Variants in SLC1A1 observed in about 807,000 individuals in gnomAD.
SLC1A1 encodes the protein excitatory amino acid transporter 3.
SLC1A1 carries 43 observed loss-of-function variants against 53.3 expected under a neutral mutation model. That is an observed-to-expected ratio of 0.81 (90% CI 0.63 to 1.04). The LOEUF (loss-of-function observed/expected upper bound fraction) is 1.04, where lower values mean the gene tolerates loss of function less well. Among genes scored for constraint, SLC1A1 ranks in the 50% least tolerant of loss-of-function variants. SLC1A1 has a pLI of 0.00. For synonymous variants in SLC1A1, 307 were observed against 243.2 expected (o/e 1.26, Z -2.44); for missense variants, 748 against 664.9 (o/e 1.12, Z -1.37).
intron 1 of SLC1A1, among the ~76,000 whole-genome samples, chr9:4,524,801 T>C (rs1196451337): frequency 6.6e-6 from 1 of 151,892 alleles, no homozygotes; most frequent in East Asian, 1.9e-4. Flanking sequence ...ACCCGAGGGG[T>C]ATCCTGGCTT....
rs3038189 is a variant in SLC1A1 at position 4,505,045 on chromosome 9, C to CTTTT, written c.91+14291_91+14294dup. ...TGGGGGTGTATGTGTACATATATTT[C>CTTTT]TTTTTTTTTTTTTTTTTTTGAGATA... On this transcript the variant is annotated intron_variant, in intron 1 of 11. Coordinates refer to ENST00000262352, the MANE Select transcript of SLC1A1 (RefSeq NM_004170.6). Among the ~76,000 whole-genome samples the CTTTT allele has an allele frequency of 7.6e-3, 879 of 114,968 alleles. 30 individuals carry two copies. Among genetic ancestry groups the CTTTT allele is most frequent in the Middle Eastern group, 0.011 (2 of 184 alleles). The allele number at this position is 114,968 out of a possible 152,430, so 75.4% of individuals were successfully genotyped here.
chr9:4,539,845 C>T (rs1302595683), intron 1 of SLC1A1, among the ~76,000 whole-genome samples: 1 of 152,154 alleles, frequency 6.6e-6, no homozygotes, highest in East Asian at 1.9e-4. Flanking sequence ...GCTGGGATTA[C>T]AGCCATGAGC....
intron 1 of SLC1A1, among the ~76,000 whole-genome samples, chr9:4,493,710 C>G (rs542195817): frequency 4.6e-5 from 7 of 152,146 alleles, no homozygotes; most frequent in Non-Finnish European, 8.8e-5. Context: ...TGAGACCAGC[C>G]TGATCTCATC....
intron 1 of SLC1A1, among the ~76,000 whole-genome samples, chr9:4,505,523 G>T (rs528820720): frequency 6.6e-6 from 1 of 152,178 alleles, no homozygotes; most frequent in East Asian, 1.9e-4. Flanking sequence ...ATAATCTGAG[G>T]ATGTTTCTCA....
intron 1 of SLC1A1, among the ~76,000 whole-genome samples, chr9:4,510,434 A>G (rs1304600909): frequency 8.5e-5 from 13 of 152,218 alleles, no homozygotes; most frequent in Admixed American, 8.5e-4. Context: ...CAGAAAATCC[A>G]GTTCAAACAG....
In SLC1A1 at chr9:4,576,759, A is replaced by C. The variant is rs749608311; in HGVS notation, c.1189A>C (p.Ile397Leu). 5.6e-6 allele frequency: 9 copies of C among 1,613,476 alleles called. No homozygotes were observed. The highest frequency in any genetic ancestry group is 1.7e-4 in the Middle Eastern group (1 of 5,898). The change falls in exon 10 of 12, where the codon ATC becomes CTC. Residue 397 changes from isoleucine to leucine, a missense_variant. Ile to Leu is a conservative substitution (Grantham distance 5). Coordinates refer to ENST00000262352, the MANE Select transcript of SLC1A1 (RefSeq NM_004170.6). ...LDLGIGQIIT[I>L]SITATSASIG... ...CTTGGGCATTGGGCAGATCATCACC[A>C]TCAGGTGGGGCATGGTGTCACATTC...
chr9:4,561,621 G>A (rs745878041), intron 3 of SLC1A1, 80 bp downstream of exon 3: 1 of 890,342 alleles, frequency 1.1e-6, no homozygotes, highest in Non-Finnish European at 1.9e-6. Context: ...GCCAGATGCG[G>A]TGGCTCAGGC....
At chr9:4,538,896 C>T (rs1248864424) in intron 1 of SLC1A1, among the ~76,000 whole-genome samples, 1 of 152,192 alleles carries the variant, frequency 6.6e-6, no homozygotes, top group Admixed American at 6.5e-5. Flanking sequence ...TTCTTCTAAA[C>T]TTATTTACTC....
intron 1 of SLC1A1, among the ~76,000 whole-genome samples, chr9:4,514,111 T>C (rs1489582194): frequency 6.6e-6 from 1 of 152,202 alleles, no homozygotes; most frequent in Non-Finnish European, 1.5e-5. Flanking sequence ...TATTCTAATT[T>C]TGATGGTGGC....
chr9:4,556,064 C>T lies in SLC1A1; in HGVS notation c.233-5385C>T, dbSNP rs1435501799. ...AGTGCAGTGGCATGATATCGGCTCA[C>T]TGCAACCTCCACCTCCCAGGTTCAA... On this transcript the variant is annotated intron_variant, in intron 2 of 11. Transcript: ENST00000262352. The surrounding 1 kb of genome is among the most constrained non-coding windows in gnomAD (Gnocchi z 4.1). 1.3e-5 allele frequency among the ~76,000 whole-genome samples: 2 copies of T among 151,114 alleles called. No homozygotes were observed. The highest frequency in any genetic ancestry group is 2.9e-5 in the Non-Finnish European group (2 of 67,974).
intron 1 of SLC1A1, among the ~76,000 whole-genome samples, chr9:4,542,339 C>G (rs1817090137): frequency 1.3e-5 from 2 of 152,144 alleles, no homozygotes. Flanking sequence ...GCTACTGTAC[C>G]TGGCAACTCT....
At chr9:4,539,621 G>C (rs191771012) in intron 1 of SLC1A1, among the ~76,000 whole-genome samples, 2 of 152,012 alleles carry the variant, frequency 1.3e-5, no homozygotes, top group Non-Finnish European at 2.9e-5. Flanking sequence ...ATCTAGGCTG[G>C]AGTACAGTGG....
intron 1 of SLC1A1, among the ~76,000 whole-genome samples, chr9:4,498,949 T>C (rs1022825612): frequency 2.7e-5 from 4 of 146,302 alleles, no homozygotes; most frequent in African/African-American, 7.5e-5. Flanking sequence ...ATACATAATA[T>C]ATACATATAT....
intron 1 of SLC1A1, among the ~76,000 whole-genome samples, chr9:4,526,817 G>A (rs936835668): frequency 4.0e-5 from 6 of 151,596 alleles, no homozygotes; most frequent in African/African-American, 1.5e-4. Flanking sequence ...AGGCAGTTCT[G>A]AGACGGCACC....
At position 4,570,905 on chromosome 9, in the gene SLC1A1, C is replaced by A. The variant is rs1450447783; in HGVS notation, c.583-1299C>A. ...CACCCCAGCCTGGACAACATGAGACCCTGTCTGTTTAAAAAAAAAAAAAAG... is the reference window on the plus strand; with the variant it reads ...CACCCCAGCCTGGACAACATGAGACACTGTCTGTTTAAAAAAAAAAAAAAG... On this transcript the variant is annotated intron_variant, in intron 6 of 11. Transcript: ENST00000262352. 2.7e-5 allele frequency among the ~76,000 whole-genome samples: 4 copies of A among 147,726 alleles called. No homozygotes were observed. In the East Asian group the frequency reaches 7.8e-4, roughly 29 times the overall value.
At position 4,564,523 on chromosome 9, in the gene SLC1A1, G is replaced by C; in HGVS notation, c.440+65G>C. 5 of 902,844 alleles carry C rather than the reference G, an allele frequency of 5.5e-6. No homozygotes were observed. The Admixed American group carries it at 9.7e-5, about 17-fold the overall frequency. 55.9% of individuals were successfully genotyped at this position (902,844 alleles called of 1,614,324 possible). ...ATAGCAGCACAAGGCCTTGTATGTG[G>C]TTTAATATTCTGCTGTTACTGTATT... On this transcript the variant is annotated intron_variant, in intron 4 of 11. Transcript: ENST00000262352.
In SLC1A1 at chr9:4,586,014, A is replaced by G; in HGVS notation, c.*456A>G. On this transcript the variant is annotated 3_prime_UTR_variant, in exon 12 of 12. Coordinates refer to ENST00000262352, the MANE Select transcript of SLC1A1 (RefSeq NM_004170.6). The stretch of plus-strand genomic sequence containing the variant: ...TTTTTTATAAATTATAATGCATCTA[A>G]ACCACCTGTCCCCAGTTAATGTGCC... The G allele has an allele frequency of 5.5e-6, 1 of 181,004 alleles. No individual in the cohort carries two copies. The highest frequency in any genetic ancestry group is 1.2e-5 in the Non-Finnish European group (1 of 85,090). 11.2% of individuals were successfully genotyped at this position (181,004 alleles called of 1,614,324 possible).
intron 1 of SLC1A1, among the ~76,000 whole-genome samples, chr9:4,496,660 G>A (rs989603688): frequency 6.6e-6 from 1 of 151,932 alleles, no homozygotes; most frequent in South Asian, 2.1e-4. Context: ...TTTGGGAGGT[G>A]AAGGTGGGAG....
At position 4,490,576 on chromosome 9, in the gene SLC1A1, C is replaced by G; in HGVS notation, c.-104C>G. 2 of 886,606 alleles carry G rather than the reference C, an allele frequency of 2.3e-6. No individual in the cohort carries two copies. Among genetic ancestry groups the G allele is most frequent in the African/African-American group, 1.7e-5 (1 of 59,158 alleles). 54.9% of individuals were successfully genotyped at this position (886,606 alleles called of 1,614,324 possible). A position where few individuals can be genotyped will look rare whatever the true frequency, so the allele number is the denominator to read the frequency against. On this transcript the variant is annotated 5_prime_UTR_variant, in exon 1 of 12. Coordinates refer to ENST00000262352, the MANE Select transcript of SLC1A1 (RefSeq NM_004170.6). The stretch of plus-strand genomic sequence containing the variant: ...TGCAGCGGCCGGCTCTCACCTCTCC[C>G]CTGTGCACCCGCATCTCGCCGCGCC...
Sources: gnomAD v4.1 joint callset for allele counts (sites outside exome capture counted in the v4.1 genomes callset) on GRCh38, gnomAD v4.1.1 for gene constraint, Gnocchi (gnomAD v3.1) non-coding constraint, MANE v1.5 for transcripts, NCBI Gene and HGNC (gene_info 2026-07-23, HGNC 2026-07-21) for gene names.